The following KLK4 variants were observed in gnomAD, a reference collection of about 807,000 sequenced individuals.
The protein encoded by KLK4 is kallikrein-4.
Under a neutral mutation model 24.3 loss-of-function variants are expected in KLK4, and 24 were observed. The observed-to-expected ratio is 0.99, with a 90% confidence interval of 0.72 to 1.39. KLK4 has a LOEUF of 1.39. Among genes scored for constraint, KLK4 ranks in the 40% most tolerant of loss-of-function variants. The pLI is 0.00. For synonymous variants in KLK4, 142 were observed against 138.8 expected (o/e 1.02, Z -0.16); for missense variants, 344 against 327.4 (o/e 1.05, Z -0.39).
chr19:50,908,826 G>A (rs950905299), exon 4 of KLK4: 1 of 1,612,038 alleles, frequency 6.2e-7, no homozygotes, highest in Non-Finnish European at 8.5e-7. Context: ...CGATGGTGTA[G>A]GAGCTGTGGG....
In KLK4 at chr19:50,910,700, C is replaced by T. The variant is rs112486208; in HGVS notation, c.39G>A (p.Gly13=). The T allele has an allele frequency of 6.4e-7, 1 of 1,555,804 alleles. No homozygotes were observed. Among genetic ancestry groups the T allele is most frequent in the African/African-American group, 1.4e-5 (1 of 73,482 alleles). Reference sequence around the variant, plus strand: ...TACCTGCGACACCAAGGATGAGGTACCCCAGGAACCAGCCCCAGGGATTTC... The same window carrying T: ...TACCTGCGACACCAAGGATGAGGTATCCCAGGAACCAGCCCCAGGGATTTC... The change falls in exon 2 of 6, where the codon GGG becomes GGA. Residue 13 remains glycine, a synonymous_variant. Coordinates refer to ENST00000324041, the Ensembl canonical transcript of KLK4. The surrounding 1 kb of genome is among the most constrained non-coding windows in gnomAD (Gnocchi z 4.4).
exon 4 of KLK4, chr19:50,908,720 A>C: frequency 6.2e-7 from 1 of 1,614,172 alleles, no homozygotes; most frequent in Non-Finnish European, 8.5e-7. Flanking sequence ...TTAGCGAGCA[A>C]GGGTCTGTTG....
exon 6 of KLK4, chr19:50,906,886 C>G (rs202220764): frequency 1.2e-6 from 2 of 1,610,898 alleles, no homozygotes; most frequent in Admixed American, 1.7e-5. Flanking sequence ...GAATTCCTTC[C>G]GCAGGATGTA....
At chr19:50,909,451 G>A in intron 2 of KLK4, 37 bp from the exon 3 acceptor site, 1 of 1,609,472 alleles carries the variant, frequency 6.2e-7, no homozygotes, top group South Asian at 1.1e-5. Flanking sequence ...GGGACCAGGA[G>A]GCGGGCCCAG....
intron 4 of KLK4, 34 bp from the exon 5 acceptor site, chr19:50,908,529 C>A: frequency 3.7e-6 from 6 of 1,614,210 alleles, no homozygotes; most frequent in Non-Finnish European, 5.1e-6. Context: ...GCCCCCGCGA[C>A]TGGGCAGAGG....
chr19:50,907,584 T>C (rs1353408895), intron 5 of KLK4, among the ~76,000 whole-genome samples: 2 of 152,036 alleles, frequency 1.3e-5, no homozygotes, highest in Non-Finnish European at 2.9e-5. Context: ...CTTTTGTATT[T>C]TTAGTACAGA....
intron 5 of KLK4, chr19:50,908,156 T>G: frequency 1.5e-5 from 10 of 650,832 alleles, no homozygotes; most frequent in East Asian, 5.7e-5. Context: ...TGCCTCCCCA[T>G]GTCTGTTTCT....
At chr19:50,909,407 G>C (rs756730929) in exon 3 of KLK4, 2 of 1,614,044 alleles carry the variant, frequency 1.2e-6, no homozygotes, top group Non-Finnish European at 1.7e-6. Flanking sequence ...TACCAGAGAC[G>C]AGCGATCCTG....
chr19:50,909,222 C>T (rs1355916010), intron 3 of KLK4, 30 bp downstream of exon 3: 8 of 1,614,016 alleles, frequency 5.0e-6, no homozygotes, highest in Non-Finnish European at 6.8e-6. Flanking sequence ...GGACCCAGGC[C>T]CTGCCCACTC....
At chr19:50,907,127 G>C in intron 5 of KLK4, 41 bp from the exon 6 acceptor site, 1 of 1,609,222 alleles carries the variant, frequency 6.2e-7, no homozygotes, top group Non-Finnish European at 8.5e-7. Context: ...AAAACACAGA[G>C]AGGTGGAAAT....
chr19:50,909,094 C>T, intron 3 of KLK4, 158 bp downstream of exon 3: 1 of 1,391,422 alleles, frequency 7.2e-7, no homozygotes, highest in Non-Finnish European at 9.2e-7. Context: ...ATTCCCGCCT[C>T]CCAGCCCTTC....
Position 50,906,998 on chromosome 19 carries a change from G to T in KLK4, c.701C>A (p.Pro234Gln), listed in dbSNP as rs761743073. 2 of 1,614,038 alleles carry T rather than the reference G, an allele frequency of 1.2e-6. No homozygotes were observed. Among genetic ancestry groups the T allele is most frequent in the African/African-American group, 2.7e-5 (2 of 74,906 alleles). ...TTTGCAGAGGTTGGTGTAGACACCT[G>T]GCACGCCAACTTGGCCACACGGGGC... Residue 234 changes from proline (P) to glutamine (Q), a missense_variant, in exon 6 of 6, where the codon CCA becomes CAA. By Grantham distance (76) the Pro-to-Gln change is moderately conservative (BLOSUM62 -1). Transcript: ENST00000324041.
intron 3 of KLK4, 94 bp from the exon 4 acceptor site, chr19:50,908,923 C>T: frequency 6.4e-7 from 1 of 1,562,394 alleles, no homozygotes; most frequent in Non-Finnish European, 8.6e-7. Flanking sequence ...TCTCCTAACC[C>T]CAACCCCACC....
chr19:50,906,924 G>A (rs200856315), exon 6 of KLK4: 78 of 1,614,008 alleles, frequency 4.8e-5, no homozygotes, highest in Non-Finnish European at 6.3e-5. Context: ...TGGGTTCCCA[G>A]TCCCCAGAGT....
chr19:50,907,651 C>G (rs144295635), intron 5 of KLK4, among the ~76,000 whole-genome samples: 1 of 152,162 alleles, frequency 6.6e-6, no homozygotes, highest in African/African-American at 2.4e-5. Flanking sequence ...AAGTGATCTG[C>G]CTGCCTCGCC....
At chr19:50,909,288 G>A (rs781353688) in exon 3 of KLK4, 5 of 1,614,184 alleles carry the variant, frequency 3.1e-6, no homozygotes, top group South Asian at 1.1e-5. Flanking sequence ...CACCCACTGC[G>A]GATGCACCAG....
chr19:50,908,669 A>G, exon 4 of KLK4: 1 of 1,614,144 alleles, frequency 6.2e-7, no homozygotes, highest in East Asian at 2.2e-5. Flanking sequence ...ATGGTGTCAG[A>G]CTCGGACACG....
Position 50,910,565 on chromosome 19 carries a change from C to T in KLK4, c.61+113G>A, listed in dbSNP as rs894441401. On this transcript the variant is annotated intron_variant, in intron 2 of 5. Transcript: ENST00000324041. This position sits in a 1 kb window ranked among gnomAD's most constrained non-coding sequence, Gnocchi z 4.4. ...CCATGGGGGACGGATAACACGGTAC[C>T]GTCTCACAGGCAGCTTTGCAGTCAC... 4 of 954,478 alleles carry T rather than the reference C, an allele frequency of 4.2e-6. No individual in the cohort carries two copies. The highest frequency in any genetic ancestry group is 2.6e-5 in the East Asian group (1 of 38,230). The allele number at this position is 954,478 out of a possible 1,614,324, so 59.1% of individuals were successfully genotyped here.
Position 50,908,672 on chromosome 19 carries a change from C to A in KLK4, c.382G>T (p.Glu128Ter). Residue 128 changes from glutamate (E) to a stop codon, truncating the protein, a stop_gained, in exon 4 of 6, where the codon GAG becomes TAG. Coordinates refer to ENST00000324041, the Ensembl canonical transcript of KLK4. LOFTEE classifies it high-confidence loss of function. ...CTGATGCTCCGGATGGTGTCAGACTCGGACACGGATTCGTCCAACTTGATG... is the reference window on the plus strand; with the variant it reads ...CTGATGCTCCGGATGGTGTCAGACTAGGACACGGATTCGTCCAACTTGATG... 1 of 1,614,184 alleles carries A rather than the reference C, an allele frequency of 6.2e-7. No individual in the cohort carries two copies. The highest frequency in any genetic ancestry group is 8.5e-7 in the Non-Finnish European group (1 of 1,180,040).
Sources: gnomAD v4.1 joint callset for allele counts (sites outside exome capture counted in the v4.1 genomes callset) on GRCh38, gnomAD v4.1.1 for gene constraint, Gnocchi (gnomAD v3.1) non-coding constraint, MANE v1.5 for transcripts, NCBI Gene and HGNC (gene_info 2026-07-23, HGNC 2026-07-21) for gene names.